KLHL20: variants seen among roughly 807,000 people sequenced by gnomAD.
The protein encoded by KLHL20 is kelch like family member 20.
KLHL20 carries 29 observed loss-of-function variants against 69.5 expected under a neutral mutation model. The observed-to-expected ratio is 0.42, with a 90% confidence interval of 0.31 to 0.57. The LOEUF (loss-of-function observed/expected upper bound fraction) is 0.57, where lower values mean the gene tolerates loss of function less well. Among genes scored for constraint, KLHL20 ranks in the 20% least tolerant of loss-of-function variants. The pLI is 0.18. For synonymous variants in KLHL20, 253 were observed against 265.2 expected (o/e 0.95, Z 0.45); for missense variants, 419 against 776.0 (o/e 0.54, Z 5.47).
chr1:173,760,411 G>A (rs1008731271), intron 7 of KLHL20, among the ~76,000 whole-genome samples: 5 of 152,064 alleles, frequency 3.3e-5, no homozygotes, highest in South Asian at 2.1e-4. Context: ...CCCTAGGCAC[G>A]TTGTCATCAG....
chr1:173,744,375 A>G (rs1672965296), intron 3 of KLHL20, among the ~76,000 whole-genome samples: 1 of 152,144 alleles, frequency 6.6e-6, no homozygotes, highest in Admixed American at 6.5e-5. Context: ...TTCTCTATAT[A>G]TTAACAGTGT....
At chr1:173,743,217 T>A (rs114272738) in intron 3 of KLHL20, among the ~76,000 whole-genome samples, 5,127 of 151,962 alleles carry the variant, frequency 0.034, 123 homozygotes, top group Non-Finnish European at 0.052. Context: ...AAAATACCAC[T>A]TTTTTAGCCT....
chr1:173,773,924 A>G (rs977184009), intron 8 of KLHL20, among the ~76,000 whole-genome samples: 6 of 151,454 alleles, frequency 4.0e-5, no homozygotes, highest in Non-Finnish European at 8.8e-5. Flanking sequence ...GAGGCAGGAG[A>G]ATGGCGTGAA....
At chr1:173,756,117 A>T in intron 6 of KLHL20, 79 bp downstream of exon 6, 2 of 984,814 alleles carry the variant, frequency 2.0e-6, no homozygotes, top group South Asian at 2.9e-5. Flanking sequence ...CCTTTGGACA[A>T]TTATGATATT....
chr1:173,719,873 G>C (rs1671636184), intron 2 of KLHL20, among the ~76,000 whole-genome samples: 1 of 152,196 alleles, frequency 6.6e-6, no homozygotes, highest in Middle Eastern at 3.4e-3. Context: ...TGTAGAAATT[G>C]GTTTATTCAT....
chr1:173,739,568 T>C (rs1226608280), intron 3 of KLHL20, among the ~76,000 whole-genome samples: 1 of 152,104 alleles, frequency 6.6e-6, no homozygotes, highest in Non-Finnish European at 1.5e-5. Context: ...CCAGGTTTTC[T>C]AGTTTGTGCA....
intron 3 of KLHL20, among the ~76,000 whole-genome samples, chr1:173,750,148 C>T (rs958602224): frequency 6.6e-6 from 1 of 151,986 alleles, no homozygotes; most frequent in Non-Finnish European, 1.5e-5. Flanking sequence ...ATTTAATTTC[C>T]TGAACCTCAG....
chr1:173,715,635 T>C (rs1022478859), intron 1 of KLHL20: 1 of 168,756 alleles, frequency 5.9e-6, no homozygotes, highest in Non-Finnish European at 1.3e-5. Context: ...AAGCCTCGTG[T>C]ACCCTATGTG....
chr1:173,765,479 C>T (rs976783547), intron 7 of KLHL20, among the ~76,000 whole-genome samples: 7 of 150,630 alleles, frequency 4.6e-5, no homozygotes, highest in African/African-American at 9.8e-5. Flanking sequence ...CTCCAGCCTG[C>T]GCAACAGAGC....
intron 7 of KLHL20, among the ~76,000 whole-genome samples, chr1:173,757,557 C>T (rs768053097): frequency 6.6e-6 from 1 of 150,958 alleles, no homozygotes; most frequent in Admixed American, 6.6e-5. Context: ...CCCAGCTACT[C>T]GGGAGGCTGA....
At position 173,771,252 on chromosome 1, in the gene KLHL20, A is replaced by G. The variant is rs562230828; in HGVS notation, c.1296-3053A>G. On this transcript the variant is annotated intron_variant, in intron 8 of 11. Coordinates refer to ENST00000209884, the MANE Select transcript of KLHL20 (RefSeq NM_014458.4). Reference sequence around the variant, plus strand: ...ACAAAATTACTAGAAAGACATTGACAGAAGGGCTAGACCATGTGGTTCACA... The same window carrying G: ...ACAAAATTACTAGAAAGACATTGACGGAAGGGCTAGACCATGTGGTTCACA... Among the ~76,000 whole-genome samples the G allele has an allele frequency of 1.1e-4, 16 of 152,346 alleles. No individual in the cohort carries two copies. In the East Asian group the frequency reaches 3.1e-3, roughly 29 times the overall value.
intron 2 of KLHL20, among the ~76,000 whole-genome samples, chr1:173,730,548 C>G (rs1261053126): frequency 1.3e-5 from 2 of 152,168 alleles, no homozygotes; most frequent in Non-Finnish European, 2.9e-5. Flanking sequence ...CAGAACAGAG[C>G]CCTCAGAAAT....
intron 3 of KLHL20, among the ~76,000 whole-genome samples, chr1:173,745,101 A>G (rs1403983688): frequency 1.3e-5 from 2 of 150,922 alleles, no homozygotes; most frequent in South Asian, 2.1e-4. Context: ...TATTTCTTCA[A>G]TTGTATTTTT....
Position 173,775,641 on chromosome 1 carries a change from T to C in KLHL20, c.1437T>C (p.Arg479=), listed in dbSNP as rs777630762. The part of the protein sequence containing the change: ...DGTSPLNTVE[R]YNPQENRWHT... Reference sequence around the variant, plus strand: ...TTTTTCTTTTCCCTACAGTGGAACGTTACAATCCTCAGGAAAACAGATGGC... The same window carrying C: ...TTTTTCTTTTCCCTACAGTGGAACGCTACAATCCTCAGGAAAACAGATGGC... The change falls in exon 10 of 12, where the codon CGT becomes CGC. Residue 479 remains arginine (R), a synonymous_variant. Coordinates refer to ENST00000209884, the MANE Select transcript of KLHL20 (RefSeq NM_014458.4). The C allele has an allele frequency of 2.3e-5, 37 of 1,614,000 alleles. No individual in the cohort carries two copies. The highest frequency in any genetic ancestry group is 3.1e-5 in the Non-Finnish European group (36 of 1,179,940).
In KLHL20 at chr1:173,755,972, C is replaced by T; in HGVS notation, c.901C>T (p.Pro301Ser). 6.2e-7 allele frequency: 1 copy of T among 1,614,040 alleles called. No homozygotes were observed. Among genetic ancestry groups the T allele is most frequent in the Admixed American group, 1.7e-5 (1 of 60,012 alleles). Reference protein sequence around the residue: ...KNYLLLPQERPLMQGPRTRPR... With the variant: ...KNYLLLPQERSLMQGPRTRPR... ...CTACCTCCTATTGCCGCAAGAACGACCACTAATGCAAGGACCAAGGACGAG... is the reference window on the plus strand; with the variant it reads ...CTACCTCCTATTGCCGCAAGAACGATCACTAATGCAAGGACCAAGGACGAG... Residue 301 changes from proline (P) to serine (S), a missense_variant, in exon 6 of 12, where the codon CCA (proline) becomes TCA (serine). Transcript: ENST00000209884.
At chr1:173,779,938 C>T (rs909264981) in intron 10 of KLHL20, among the ~76,000 whole-genome samples, 1 of 152,020 alleles carries the variant, frequency 6.6e-6, no homozygotes, top group African/African-American at 2.4e-5. Context: ...GACTTCTGGG[C>T]GAAGTATAGA....
At chr1:173,771,280 T>G (rs1648072973) in intron 8 of KLHL20, among the ~76,000 whole-genome samples, 1 of 152,206 alleles carries the variant, frequency 6.6e-6, no homozygotes, top group South Asian at 2.1e-4. Flanking sequence ...GGTTCACACC[T>G]GTAATCCCAG....
rs199624649 is a variant in KLHL20 at position 173,775,691 on chromosome 1, G to A, written c.1487G>A (p.Arg496Gln). The change falls in exon 10 of 12, where the codon CGG (arginine) becomes CAG (glutamine). Residue 496 changes from arginine (R) to glutamine (Q), a missense_variant. Coordinates refer to ENST00000209884, the MANE Select transcript of KLHL20 (RefSeq NM_014458.4). ...RWHTIAPMGTRRKHLGCAVYQ... is the reference protein window; with the variant it reads ...RWHTIAPMGTQRKHLGCAVYQ... The stretch of plus-strand genomic sequence containing the variant: ...CACACTATAGCCCCTATGGGGACCC[G>A]GAGGAAACACCTAGGCTGTGCAGTA... 13 of 1,614,062 alleles carry A rather than the reference G, an allele frequency of 8.1e-6. No individual in the cohort carries two copies. The highest frequency in any genetic ancestry group is 3.3e-5 in the Admixed American group (2 of 59,998).
Position 173,752,234 on chromosome 1 carries a change from CA to C in KLHL20, c.756+326del, listed in dbSNP as rs202105334. Among the ~76,000 whole-genome samples, 877 of 117,150 alleles carry C rather than the reference CA, an allele frequency of 7.5e-3. 5 individuals are homozygous for C. Among genetic ancestry groups the C allele is most frequent in the Non-Finnish European group, 0.012 (653 of 55,474 alleles). The allele number at this position is 117,150 out of a possible 152,430, so 76.9% of individuals were successfully genotyped here. On this transcript the variant is annotated intron_variant, in intron 4 of 11. Coordinates refer to ENST00000209884, the MANE Select transcript of KLHL20 (RefSeq NM_014458.4). ...CTGGCGACAGAGCGAGACTCCATCT[CA>C]AAAAAAAAAAAAACTGCTTAGTACT...
Sources: allele counts gnomAD v4.1 joint callset (sites outside exome capture counted in the v4.1 genomes callset), GRCh38; gene constraint gnomAD v4.1.1; transcripts MANE v1.5; gene names NCBI Gene and HGNC (gene_info 2026-07-23, HGNC 2026-07-21).